Variants in SEMA5A observed in about 807,000 individuals in gnomAD.
SEMA5A encodes the protein semaphorin 5A.
A neutral mutation model predicts 135.5 loss-of-function variants in SEMA5A; 55 were observed. The observed-to-expected ratio is 0.41, with a 90% confidence interval of 0.33 to 0.51. The LOEUF is 0.51. Among genes scored for constraint, SEMA5A ranks in the 20% least tolerant of loss-of-function variants. SEMA5A has a pLI of 0.37. For missense variants in SEMA5A, 1,290 were observed against 1,419.9 expected, an observed-to-expected ratio of 0.91 and a Z score of 1.47; for synonymous variants, 580 against 546.5, an observed-to-expected ratio of 1.06 and a Z score of -0.85.
At chr5:9,503,776 A>G (rs268499) in intron 1 of SEMA5A, among the ~76,000 whole-genome samples, 147,794 of 152,280 alleles carry the variant, frequency 0.97, 71,951 homozygotes, top group Non-Finnish European at 1. Context: ...TTAGGATGAA[A>G]CAAAAATTAA....
intron 4 of SEMA5A, among the ~76,000 whole-genome samples, chr5:9,329,782 T>C (rs144780532): frequency 1.1e-3 from 167 of 152,294 alleles, no homozygotes; most frequent in Non-Finnish European, 1.9e-3. Flanking sequence ...CCCCAGAGCA[T>C]TGGCTCCAAG....
At chr5:9,050,807 T>C (rs189616728) in intron 20 of SEMA5A, among the ~76,000 whole-genome samples, 2 of 152,344 alleles carry the variant, frequency 1.3e-5, no homozygotes, top group East Asian at 3.9e-4. Flanking sequence ...TCCTGTGGTA[T>C]TCCTGCTTCT....
chr5:9,441,288 T>A (rs938117690), intron 1 of SEMA5A, among the ~76,000 whole-genome samples: 1 of 152,092 alleles, frequency 6.6e-6, no homozygotes, highest in Non-Finnish European at 1.5e-5. Flanking sequence ...AAATGGGAAA[T>A]GTGATGTGGG....
At chr5:9,191,104 TAAG>T (rs1428331196) in intron 10 of SEMA5A, among the ~76,000 whole-genome samples, 1 of 151,512 alleles carries the variant, frequency 6.6e-6, no homozygotes, top group Non-Finnish European at 1.5e-5. Flanking sequence ...GGCAAATTTA[TAAG>T]AAGAACAGGA....
intron 15 of SEMA5A, among the ~76,000 whole-genome samples, chr5:9,109,242 G>A (rs1414434688): frequency 6.6e-6 from 1 of 151,264 alleles, no homozygotes; most frequent in East Asian, 2.0e-4. Context: ...GGGTTTCACC[G>A]TTTTAGCCGG....
intron 16 of SEMA5A, among the ~76,000 whole-genome samples, chr5:9,078,093 G>T (rs958712985): frequency 7.2e-5 from 11 of 152,116 alleles, no homozygotes; most frequent in African/African-American, 2.4e-4. Flanking sequence ...TTATTTTATT[G>T]TCTCACTGTA....
chr5:9,094,428 C>G (rs895231365), intron 16 of SEMA5A, among the ~76,000 whole-genome samples: 4 of 152,160 alleles, frequency 2.6e-5, no homozygotes, highest in Non-Finnish European at 5.9e-5. Flanking sequence ...GACGTCAAGG[C>G]CTTATTACTG....
intron 4 of SEMA5A, among the ~76,000 whole-genome samples, chr5:9,333,844 T>C (rs1327299223): frequency 6.6e-6 from 1 of 152,206 alleles, no homozygotes. Context: ...TTACTGTATA[T>C]TCTACATTTT....
chr5:9,421,156 C>T (rs919825027), intron 2 of SEMA5A, among the ~76,000 whole-genome samples: 3 of 152,212 alleles, frequency 2.0e-5, no homozygotes, highest in Admixed American at 1.3e-4. Flanking sequence ...GTCTAGTGTA[C>T]TGCCTTCTGT....
At chr5:9,457,464 T>A (rs776423983) in intron 1 of SEMA5A, among the ~76,000 whole-genome samples, 1 of 152,204 alleles carries the variant, frequency 6.6e-6, no homozygotes, top group African/African-American at 2.4e-5. Flanking sequence ...AGTTCCTCAC[T>A]CAAAATTGCT....
chr5:9,400,448 T>TA (rs148078550), intron 2 of SEMA5A, among the ~76,000 whole-genome samples: 26 of 148,048 alleles, frequency 1.8e-4, no homozygotes, highest in African/African-American at 3.5e-4. Context: ...TCTGAAGATC[T>TA]AAAAAAAAAT....
chr5:9,140,531 G>A (rs1457389659), intron 12 of SEMA5A, among the ~76,000 whole-genome samples: 1 of 152,202 alleles, frequency 6.6e-6, no homozygotes, highest in African/African-American at 2.4e-5. Flanking sequence ...TGGGGTGAGC[G>A]CTAAGAGTCC....
At chr5:9,207,134 A>ATATATATATATATATATATATAT (rs1491507145) in intron 8 of SEMA5A, among the ~76,000 whole-genome samples, 7 of 139,702 alleles carry the variant, frequency 5.0e-5, no homozygotes, top group Non-Finnish European at 7.8e-5. Context: ...ATATATATAT[A>ATATATATATATATATATATATAT]AAGCTTAAAG....
chr5:9,043,740 C>T (rs181609796), intron 22 of SEMA5A, among the ~76,000 whole-genome samples: 3 of 152,322 alleles, frequency 2.0e-5, no homozygotes, highest in Admixed American at 6.5e-5. Flanking sequence ...GTACCTTCAA[C>T]GTCCTTTATC....
chr5:9,145,752 C>A (rs1742297330), intron 12 of SEMA5A, among the ~76,000 whole-genome samples: 1 of 150,908 alleles, frequency 6.6e-6, no homozygotes. Flanking sequence ...AATTCCCCTG[C>A]CTCAGCCTCC....
At chr5:9,137,684 A>C (rs2150222511) in intron 12 of SEMA5A, among the ~76,000 whole-genome samples, 1 of 152,344 alleles carries the variant, frequency 6.6e-6, no homozygotes, top group African/African-American at 2.4e-5. Context: ...GTCCTGTTAC[A>C]AACTAGTCAA....
intron 17 of SEMA5A, among the ~76,000 whole-genome samples, chr5:9,063,535 AC>A (rs920718165): frequency 8.5e-5 from 13 of 152,186 alleles, no homozygotes; most frequent in African/African-American, 3.1e-4. Context: ...CATAATTCAG[AC>A]ATTTTCTAAA....
chr5:9,475,128 C>T (rs527924491), intron 1 of SEMA5A, among the ~76,000 whole-genome samples: 21 of 152,196 alleles, frequency 1.4e-4, no homozygotes, highest in South Asian at 2.1e-4. Flanking sequence ...GACTGAGTTT[C>T]GCCATGTTGG....
At chr5:9,533,976 T>C (rs1737602005) in intron 1 of SEMA5A, among the ~76,000 whole-genome samples, 1 of 152,136 alleles carries the variant, frequency 6.6e-6, no homozygotes, top group Admixed American at 6.5e-5. Flanking sequence ...AAAAGCTGTG[T>C]TGAAAAAGAT....
Sources: gnomAD v4.1 joint callset for allele counts (sites outside exome capture counted in the v4.1 genomes callset) on GRCh38, gnomAD v4.1.1 for gene constraint, MANE v1.5 for transcripts, NCBI Gene and HGNC (gene_info 2026-07-23, HGNC 2026-07-21) for gene names.